INSR: variants seen among roughly 807,000 people sequenced by gnomAD.
INSR encodes the protein IR.
Under a neutral mutation model 142.6 loss-of-function variants are expected in INSR, and 67 were observed. The ratio of observed to expected loss-of-function variants is 0.47; its 90% confidence interval spans 0.39 to 0.58. The LOEUF is 0.58. Among genes scored for constraint, INSR ranks in the 20% least tolerant of loss-of-function variants. The probability of loss-of-function intolerance (pLI) is 0.00; values close to 1 mark genes in which losing one functional copy is unlikely to be tolerated. For synonymous variants in INSR, 756 were observed against 743.1 expected, an observed-to-expected ratio of 1.02 and a Z score of -0.28; for missense variants, 1,248 against 1,833.2, an observed-to-expected ratio of 0.68 and a Z score of 5.83.
chr19:7,170,864 C>G (rs1974001624), intron 5 of INSR, 113 bp from the exon 6 acceptor site: 9 of 849,824 alleles, frequency 1.1e-5, no homozygotes, highest in African/African-American at 1.7e-5. Context: ...CTAATCCTCT[C>G]CACTTGCTTG....
chr19:7,238,508 C>T (rs2145144403), intron 2 of INSR, among the ~76,000 whole-genome samples: 1 of 150,854 alleles, frequency 6.6e-6, no homozygotes, highest in East Asian at 2.0e-4. Flanking sequence ...GTAATTCCAG[C>T]TACCCGAGAG....
At position 7,293,298 on chromosome 19, in the gene INSR, A is replaced by AG. The variant is rs774189653; in HGVS notation, c.100+493dup. On this transcript the variant is annotated intron_variant, in intron 1 of 21. Transcript: ENST00000302850. ...GCCTAGATCCAAGGTAGTTGGGTAG[A>AG]GGGGGGCTCTGCAGTCCCTGACCCC... Among the ~76,000 whole-genome samples the AG allele has an allele frequency of 4.7e-4, 72 of 152,306 alleles. 1 individual carries two copies. The Middle Eastern group carries it at 0.027, about 58-fold the overall frequency.
intron 13 of INSR, among the ~76,000 whole-genome samples, chr19:7,140,476 A>T (rs1439981355): frequency 6.6e-6 from 1 of 152,160 alleles, no homozygotes. Flanking sequence ...TACTATCCAG[A>T]CCTTTATGGT....
In INSR at chr19:7,211,664, A is replaced by T. The variant is rs1038382647; in HGVS notation, c.653-27027T>A. On this transcript the variant is annotated intron_variant, in intron 2 of 21. Coordinates refer to ENST00000302850, the MANE Select transcript of INSR (RefSeq NM_000208.4). ...TCCCATTGACACAGGGACAGAGTAA[A>T]CTGCTCAACAGCTGACTCTACTCCC... is the stretch of plus-strand genomic sequence containing the variant. Among the ~76,000 whole-genome samples the T allele has an allele frequency of 3.4e-4, 52 of 152,194 alleles. 1 individual carries two copies. The highest frequency in any genetic ancestry group is 1.2e-3 in the African/African-American group (51 of 41,450).
In INSR at chr19:7,116,846, C is replaced by T; in HGVS notation, c.*210G>A. On this transcript the variant is annotated 3_prime_UTR_variant, in exon 22 of 22. Transcript: ENST00000302850. ...GAGCAGCAACTGTGGAAACCCCTTG[C>T]CCTCCAGGTTCACAGTTAAATCCTC... is the stretch of plus-strand genomic sequence containing the variant. 1 of 558,832 alleles carries T rather than the reference C, an allele frequency of 1.8e-6. No homozygotes were observed. Among genetic ancestry groups the T allele is most frequent in the Non-Finnish European group, 3.2e-6 (1 of 312,758 alleles). The allele number at this position is 558,832 out of a possible 1,614,324, so 34.6% of individuals were successfully genotyped here.
Position 7,141,812 on chromosome 19 carries a change from C to T in INSR, c.2547G>A (p.Lys849=), listed in dbSNP as rs1568440992. Residue 849 remains lysine (K), a synonymous_variant, in exon 13 of 22, where the codon AAG becomes AAA. Coordinates refer to ENST00000302850, the MANE Select transcript of INSR (RefSeq NM_000208.4). The part of the protein sequence containing the change: ...YVSARTMPEA[K]ADDIVGPVTH... ...TCACAGGGCCAACAATGTCATCAGC[C>T]TTGGCTGTAAGGAGAGGAAGTGAGA... The T allele has an allele frequency of 6.2e-7, 1 of 1,614,054 alleles. No individual in the cohort carries two copies. The highest frequency in any genetic ancestry group is 1.3e-5 in the African/African-American group (1 of 75,046).
In INSR at chr19:7,119,263, C is replaced by T. The variant is rs962677498; in HGVS notation, c.3794+186G>A. Among the ~76,000 whole-genome samples the T allele has an allele frequency of 6.6e-6, 1 of 152,160 alleles. No individual in the cohort carries two copies. The highest frequency in any genetic ancestry group is 1.5e-5 in the Non-Finnish European group (1 of 68,046). ...TATGGGAACTCAAGTGTGTGTACCACAATGCAATATGCAAATGCAAGCATG... is the reference window on the plus strand; with the variant it reads ...TATGGGAACTCAAGTGTGTGTACCATAATGCAATATGCAAATGCAAGCATG... On this transcript the variant is annotated intron_variant, in intron 21 of 21. Transcript: ENST00000302850. The surrounding 1 kb of genome is among the most constrained non-coding windows in gnomAD (Gnocchi z 5.2).
intron 2 of INSR, among the ~76,000 whole-genome samples, chr19:7,207,122 A>G (rs1975125226): frequency 6.6e-6 from 1 of 152,116 alleles, no homozygotes; most frequent in Non-Finnish European, 1.5e-5. Context: ...AACTAAAATG[A>G]ATGAGACCCG....
At chr19:7,212,178 C>A (rs1975295965) in intron 2 of INSR, among the ~76,000 whole-genome samples, 1 of 152,078 alleles carries the variant, frequency 6.6e-6, no homozygotes, top group African/African-American at 2.4e-5. Context: ...ATATCCAGAC[C>A]CACCCTAGGG....
chr19:7,185,580 C>T (rs11670972), intron 2 of INSR, among the ~76,000 whole-genome samples: 21,451 of 151,934 alleles, frequency 0.14, 1,856 homozygotes, highest in South Asian at 0.22. Context: ...TGGTGGCTCA[C>T]GCCTGTAATC....
At position 7,122,862 on chromosome 19, in the gene INSR, C is replaced by A. The variant is rs763996764; in HGVS notation, c.3369+17G>T. On this transcript the variant is annotated intron_variant, in intron 18 of 21. Transcript: ENST00000302850. Reference sequence around the variant, plus strand: ...TGCTCCACCGAGTACCCCGCTGGGTCCCCCGAAGCAGCTTACCTCAGCCTC... The same window carrying A: ...TGCTCCACCGAGTACCCCGCTGGGTACCCCGAAGCAGCTTACCTCAGCCTC... 1.2e-5 allele frequency: 19 copies of A among 1,609,672 alleles called. No individual in the cohort carries two copies. The highest frequency in any genetic ancestry group is 4.4e-5 in the South Asian group (4 of 90,590).
chr19:7,283,655 G>C (rs1968267376), intron 1 of INSR, among the ~76,000 whole-genome samples: 1 of 152,108 alleles, frequency 6.6e-6, no homozygotes, highest in Non-Finnish European at 1.5e-5. Flanking sequence ...GGCCAGGCTG[G>C]TCTCGAACTC....
chr19:7,232,255 C>T (rs975098411), intron 2 of INSR, among the ~76,000 whole-genome samples: 7 of 152,018 alleles, frequency 4.6e-5, no homozygotes, highest in South Asian at 2.1e-4. Context: ...TCTGTCACCC[C>T]GGCTGGAGTA....
Position 7,117,367 on chromosome 19 carries a change from T to G in INSR, c.3838A>C (p.Arg1280=). 1 of 1,614,072 alleles carries G rather than the reference T, an allele frequency of 6.2e-7. No individual in the cohort carries two copies. The highest frequency in any genetic ancestry group is 2.2e-5 in the East Asian group (1 of 44,868). The change falls in exon 22 of 22, where the codon AGG becomes CGG. Residue 1280 remains arginine, a synonymous_variant. Coordinates refer to ENST00000302850, the MANE Select transcript of INSR (RefSeq NM_000208.4). ...RMCWQFNPKM[R]PTFLEIVNLL... ...TTGACAATCTCCAGGAAGGTTGGCC[T>G]CATCTTGGGGTTGAATTGCCAGCAC... is the stretch of plus-strand genomic sequence containing the variant.
intron 9 of INSR, among the ~76,000 whole-genome samples, chr19:7,153,984 A>C (rs1973519627): frequency 6.6e-6 from 1 of 152,100 alleles, no homozygotes; most frequent in South Asian, 2.1e-4. Context: ...AACATGGTGA[A>C]ACCCCGTCTT....
intron 12 of INSR, among the ~76,000 whole-genome samples, chr19:7,142,466 G>GGGT (rs1389138504): frequency 6.7e-6 from 1 of 150,150 alleles, no homozygotes; most frequent in Non-Finnish European, 1.5e-5. Context: ...AGGCCGATGT[G>GGGT]GGTGGATCAC....
intron 11 of INSR, among the ~76,000 whole-genome samples, chr19:7,145,413 T>C (rs952160373): frequency 2.0e-5 from 3 of 152,226 alleles, no homozygotes; most frequent in African/African-American, 7.2e-5. Context: ...TAATTATTGC[T>C]TGTGTATCTA....
chr19:7,254,639 T>G (rs1423603532), intron 2 of INSR, among the ~76,000 whole-genome samples: 2 of 152,026 alleles, frequency 1.3e-5, no homozygotes, highest in Non-Finnish European at 2.9e-5. Flanking sequence ...ATCACCTCCT[T>G]TTACTGGGAA....
In INSR at chr19:7,294,137, C is replaced by G. The variant is rs955998425; in HGVS notation, c.-246G>C. ...TGCGGTGGTGGCCCCGACCCCCCGG[C>G]CGCTGCGGCCCGGGCCCCGTCCCAG... is the stretch of plus-strand genomic sequence containing the variant. On this transcript the variant is annotated 5_prime_UTR_variant, in exon 1 of 22. Transcript: ENST00000302850. The G allele has an allele frequency of 6.7e-5, 13 of 193,884 alleles. No homozygotes were observed. Among genetic ancestry groups the G allele is most frequent in the African/African-American group, 2.8e-4 (12 of 42,438 alleles). 12.0% of individuals were successfully genotyped at this position (193,884 alleles called of 1,614,324 possible).
Sources: gnomAD v4.1 joint callset for allele counts (sites outside exome capture counted in the v4.1 genomes callset) on GRCh38, gnomAD v4.1.1 for gene constraint, Gnocchi (gnomAD v3.1) non-coding constraint, MANE v1.5 for transcripts, NCBI Gene and HGNC (gene_info 2026-07-23, HGNC 2026-07-21) for gene names.